The following NUCB2 variants were observed in gnomAD, a reference collection of about 807,000 sequenced individuals.
NUCB2 encodes the protein nucleobindin-2.
NUCB2 carries 48 observed loss-of-function variants against 57.9 expected under a neutral mutation model. The ratio of observed to expected loss-of-function variants is 0.83; its 90% CI spans 0.66 to 1.05. The LOEUF (loss-of-function observed/expected upper bound fraction) is 1.05, where lower values mean the gene tolerates loss of function less well. NUCB2 is among the 50% of genes least tolerant of loss of function. The probability of loss-of-function intolerance (pLI) is 0.00; values close to 1 mark genes in which losing one functional copy is unlikely to be tolerated. For synonymous variants in NUCB2, 139 were observed against 152.1 expected, an observed-to-expected ratio of 0.91 and a Z score of 0.64; for missense variants, 442 against 476.2, an observed-to-expected ratio of 0.93 and a Z score of 0.67.
intron 8 of NUCB2, 114 bp downstream of exon 8, chr11:17,311,397 G>T: frequency 1.4e-6 from 1 of 715,796 alleles, no homozygotes; most frequent in East Asian, 2.8e-5. Flanking sequence ...AGAGTAAATG[G>T]TTAGAGTTTT....
At chr11:17,288,552 C>CTTCTTTTTTTTTTTTTTTTT (rs1375589442) in intron 2 of NUCB2, among the ~76,000 whole-genome samples, 2 of 101,190 alleles carry the variant, frequency 2.0e-5, no homozygotes, top group African/African-American at 8.8e-5. Flanking sequence ...TCTTCTTCTT[C>CTTCTTTTTTTTTTTTTTTTT]TTTTTTTTTT....
At chr11:17,284,491 C>A (rs1943281597) in intron 2 of NUCB2, among the ~76,000 whole-genome samples, 1 of 152,140 alleles carries the variant, frequency 6.6e-6, no homozygotes, top group Non-Finnish European at 1.5e-5. Flanking sequence ...TTCAGTCAAT[C>A]TTTTAGAGTT....
At chr11:17,289,810 A>T (rs1310707829) in intron 2 of NUCB2, among the ~76,000 whole-genome samples, 1 of 152,224 alleles carries the variant, frequency 6.6e-6, no homozygotes, top group Non-Finnish European at 1.5e-5. Flanking sequence ...GGCATGTAAA[A>T]GAACATCAGG....
downstream of NUCB2, chr11:17,333,699 A>G (rs2139521690): frequency 6.6e-6 from 1 of 152,336 alleles, no homozygotes; most frequent in South Asian, 2.1e-4. Flanking sequence ...TATTTGGCAG[A>G]AAATTCTTAA....
chr11:17,292,952 C>G (rs1489809549), intron 2 of NUCB2, among the ~76,000 whole-genome samples: 2 of 152,128 alleles, frequency 1.3e-5, no homozygotes, highest in Admixed American at 1.3e-4. Context: ...GTGACTTTGT[C>G]ACTTCAAGAT....
intron 4 of NUCB2, among the ~76,000 whole-genome samples, chr11:17,297,336 T>C (rs1485303497): frequency 6.6e-6 from 1 of 152,210 alleles, no homozygotes; most frequent in Non-Finnish European, 1.5e-5. Flanking sequence ...GTTCTTGGTG[T>C]GAACTTCTTT....
At chr11:17,337,412 G>T (rs1951908352) in exon 2 of NUCB2, 1 of 152,172 alleles carries the variant, frequency 6.6e-6, no homozygotes, top group Non-Finnish European at 1.5e-5. Flanking sequence ...TTCATCGTTT[G>T]TCATGCAGGA....
chr11:17,318,341 A>G (rs1366425164), intron 11 of NUCB2, among the ~76,000 whole-genome samples: 1 of 151,122 alleles, frequency 6.6e-6, no homozygotes, highest in African/African-American at 2.4e-5. Context: ...AAAAAAAAAT[A>G]CATTCAATAT....
rs1362783048 is a variant in NUCB2, at chr11:17,288,552, C to CTTTTTT, written c.-1+5620_-1+5625dup. Among the ~76,000 whole-genome samples the CTTTTTT allele has an allele frequency of 3.7e-3, 377 of 101,156 alleles. 21 individuals carry two copies. The highest frequency in any genetic ancestry group is 0.016 in the African/African-American group (357 of 22,728). The allele number at this position is 101,156 out of a possible 152,430, so 66.4% of individuals were successfully genotyped here. Reference sequence around the variant, plus strand: ...TCTTTTTCTTCTTCTTCTTCTTCTTCTTTTTTTTTTTTTTTTGAGACAGTC... The same window carrying CTTTTTT: ...TCTTTTTCTTCTTCTTCTTCTTCTTCTTTTTTTTTTTTTTTTTTTTTTGAGACAGTC... On this transcript the variant is annotated intron_variant, in intron 2 of 13. Coordinates refer to ENST00000529010, the MANE Select transcript of NUCB2 (RefSeq NM_005013.4).
At chr11:17,345,823 G>T (rs1303715953) in intron 2 of NUCB2, among the ~76,000 whole-genome samples, 2 of 152,072 alleles carry the variant, frequency 1.3e-5, no homozygotes, top group Admixed American at 1.3e-4. Context: ...GGCTTATTTA[G>T]ATATTTGGCC....
intron 4 of NUCB2, among the ~76,000 whole-genome samples, chr11:17,298,720 A>T (rs1468334086): frequency 1.5e-4 from 23 of 148,858 alleles, no homozygotes; most frequent in Non-Finnish European, 1.5e-4. Flanking sequence ...TTGTTTTGGG[A>T]CAAGGTCTCA....
At chr11:17,304,258 A>G (rs945189799) in intron 5 of NUCB2, among the ~76,000 whole-genome samples, 2 of 151,252 alleles carry the variant, frequency 1.3e-5, no homozygotes, top group South Asian at 2.1e-4. Context: ...GCAGTGGTGC[A>G]GTTTCAGCTC....
downstream of NUCB2, among the ~76,000 whole-genome samples, chr11:17,335,224 T>C (rs1951711513): frequency 6.6e-6 from 1 of 151,814 alleles, no homozygotes; most frequent in Non-Finnish European, 1.5e-5. Context: ...TATCCTTTTG[T>C]TGATGACTAC....
chr11:17,292,243 G>A (rs1271173474), intron 2 of NUCB2, among the ~76,000 whole-genome samples: 3 of 152,108 alleles, frequency 2.0e-5, no homozygotes, highest in Non-Finnish European at 4.4e-5. Flanking sequence ...TGGTGCAGCT[G>A]TAACTAGAAT....
chr11:17,346,424 T>A (rs927582821), intron 2 of NUCB2, among the ~76,000 whole-genome samples: 1 of 152,172 alleles, frequency 6.6e-6, no homozygotes, highest in Non-Finnish European at 1.5e-5. Flanking sequence ...AGAGAATCCA[T>A]AATGGAAAGG....
intron 4 of NUCB2, 83 bp downstream of exon 4, chr11:17,296,294 G>C (rs1945809604): frequency 1.4e-6 from 1 of 734,832 alleles, no homozygotes; most frequent in Admixed American, 3.0e-5. Flanking sequence ...TATAACCCAG[G>C]TTGGCCTTGA....
chr11:17,296,023 A>G (rs2138432048), intron 3 of NUCB2, 81 bp from the exon 4 acceptor site: 2 of 671,366 alleles, frequency 3.0e-6, no homozygotes, highest in East Asian at 2.8e-5. Context: ...TTTGCTAGAA[A>G]TTGTTTCACA....
chr11:17,294,660 G>A (rs1317026140), intron 2 of NUCB2, among the ~76,000 whole-genome samples: 1 of 145,890 alleles, frequency 6.9e-6, no homozygotes, highest in Non-Finnish European at 1.5e-5. Context: ...GGTGTTCTGT[G>A]GGTAAAACGT....
At chr11:17,287,050 C>G (rs555874341) in intron 2 of NUCB2, among the ~76,000 whole-genome samples, 12 of 151,874 alleles carry the variant, frequency 7.9e-5, no homozygotes, top group African/African-American at 2.9e-4. Flanking sequence ...AAACATTCTC[C>G]ATCAATCAAA....
Sources: allele counts gnomAD v4.1 joint callset (sites outside exome capture counted in the v4.1 genomes callset), GRCh38; gene constraint gnomAD v4.1.1; transcripts MANE v1.5; gene names NCBI Gene and HGNC (gene_info 2026-07-23, HGNC 2026-07-21).